The following UNC5D variants were observed in gnomAD, a reference collection of about 807,000 sequenced individuals.
The protein encoded by UNC5D is unc-5 netrin receptor D.
Under a neutral mutation model 105.4 loss-of-function variants are expected in UNC5D, and 39 were observed. The ratio of observed to expected loss-of-function variants is 0.37; its 90% CI spans 0.29 to 0.48. The LOEUF (loss-of-function observed/expected upper bound fraction) is 0.48, where lower values mean the gene tolerates loss of function less well. Ranked by LOEUF, UNC5D falls within the 20% of genes least tolerant of loss-of-function variation. The pLI is 0.98. For synonymous variants in UNC5D, 452 were observed against 450.4 expected (o/e 1.00, Z -0.04); for missense variants, 991 against 1,202.4 (o/e 0.82, Z 2.60).
chr8:35,459,105 A>G (rs1808700278), intron 1 of UNC5D, among the ~76,000 whole-genome samples: 1 of 152,086 alleles, frequency 6.6e-6, no homozygotes, highest in Admixed American at 6.6e-5. Flanking sequence ...TCATTGATTG[A>G]TGTATTTTTC....
At chr8:35,763,909 T>A (rs1353984601) in intron 14 of UNC5D, among the ~76,000 whole-genome samples, 2 of 152,196 alleles carry the variant, frequency 1.3e-5, no homozygotes, top group African/African-American at 4.8e-5. Context: ...ACTCATGTAA[T>A]AAATGCAGAG....
chr8:35,649,734 C>A (rs1358298390), intron 4 of UNC5D, among the ~76,000 whole-genome samples: 2 of 152,130 alleles, frequency 1.3e-5, no homozygotes, highest in African/African-American at 4.8e-5. Context: ...TAAACTTAGT[C>A]TAGTCATGGA....
intron 1 of UNC5D, among the ~76,000 whole-genome samples, chr8:35,343,503 G>A (rs1014058329): frequency 6.6e-6 from 1 of 151,838 alleles, no homozygotes; most frequent in Non-Finnish European, 1.5e-5. Context: ...CTTTTTTATT[G>A]AGGTTTTAGT....
At chr8:35,470,700 T>C (rs1809648437) in intron 1 of UNC5D, among the ~76,000 whole-genome samples, 1 of 150,498 alleles carries the variant, frequency 6.6e-6, no homozygotes, top group Non-Finnish European at 1.5e-5. Flanking sequence ...GCCCAGGAGA[T>C]TGAGGCTGCA....
intron 1 of UNC5D, among the ~76,000 whole-genome samples, chr8:35,413,292 T>TGTTGTGTG (rs56157732): frequency 1.9e-4 from 24 of 128,046 alleles, no homozygotes; most frequent in Middle Eastern, 4.2e-3. Flanking sequence ...TGTGTGTGTG[T>TGTTGTGTG]TGTGTGTGTG....
rs144081400 is a variant in UNC5D, at chr8:35,722,390, G to C, written c.1298G>C (p.Arg433Pro). 1 of 1,613,404 alleles carries C rather than the reference G, an allele frequency of 6.2e-7. No individual in the cohort carries two copies. Among genetic ancestry groups the C allele is most frequent in the East Asian group, 2.2e-5 (1 of 44,872 alleles). ...CAGACCTTCAACTTCAAAACAGTCC[G>C]TCAAGGTCAGCGGCATAGGTCCCTC... is the stretch of plus-strand genomic sequence containing the variant. Reference protein sequence around the residue: ...GFQTFNFKTVRQGNSLLLNSA... With the variant: ...GFQTFNFKTVPQGNSLLLNSA... The change falls in exon 9 of 17, where the codon CGT becomes CCT. Residue 433 changes from arginine (R) to proline (P), a missense_variant. Arg to Pro is a moderately radical substitution (Grantham distance 103). Around this residue, in one of 3 missense-constraint regions of UNC5D, gnomAD observed 944 missense variants for 1,131.6 expected, o/e 0.83. Transcript: ENST00000404895.
intron 16 of UNC5D, among the ~76,000 whole-genome samples, chr8:35,785,414 C>T (rs991632628): frequency 5.9e-5 from 9 of 152,116 alleles, no homozygotes; most frequent in Admixed American, 1.3e-4. Flanking sequence ...GGTTGGAGTG[C>T]AGTGGCGTGA....
Position 35,796,197 on chromosome 8 carries a change from G to A in UNC5D, c.*5634G>A, listed in dbSNP as rs1197053135. The A allele has an allele frequency of 2.6e-5, 4 of 152,138 alleles. No individual in the cohort carries two copies. In the South Asian group the frequency reaches 6.2e-4, roughly 24 times the overall value. The allele number at this position is 152,138 out of a possible 1,614,324, so 9.4% of individuals were successfully genotyped here. ...GCAAGCCAGAGGAGAGAGGTTGAAT[G>A]AAGCATAGCCTTGGCTTCATACCAC... On this transcript the variant is annotated 3_prime_UTR_variant, in exon 17 of 17. Transcript: ENST00000404895.
intron 4 of UNC5D, among the ~76,000 whole-genome samples, chr8:35,655,269 G>A (rs1369781940): frequency 1.3e-5 from 2 of 152,136 alleles, no homozygotes; most frequent in East Asian, 1.9e-4. Context: ...ATGGGTATTA[G>A]TCAAAAATAT....
intron 1 of UNC5D, among the ~76,000 whole-genome samples, chr8:35,381,843 G>A (rs1394670461): frequency 2.0e-5 from 3 of 152,100 alleles, no homozygotes; most frequent in Non-Finnish European, 2.9e-5. Context: ...TAGCAGAGCC[G>A]GTGCCTCCTC....
chr8:35,619,114 CA>C (rs1467894595), intron 4 of UNC5D, among the ~76,000 whole-genome samples: 1 of 152,050 alleles, frequency 6.6e-6, no homozygotes, highest in African/African-American at 2.4e-5. Flanking sequence ...CTCAAGCATC[CA>C]ACAAATGAAA....
intron 4 of UNC5D, among the ~76,000 whole-genome samples, chr8:35,599,796 A>G (rs1819726784): frequency 2.6e-5 from 4 of 151,956 alleles, no homozygotes; most frequent in Admixed American, 2.6e-4. Flanking sequence ...ATAAAAATAT[A>G]TTTTCTTTTT....
chr8:35,445,396 C>A (rs1807710421), intron 1 of UNC5D, among the ~76,000 whole-genome samples: 1 of 152,038 alleles, frequency 6.6e-6, no homozygotes, highest in South Asian at 2.1e-4. Context: ...ATGAACAATG[C>A]TAGATTTTCA....
rs1382069989 is a variant in UNC5D at position 35,529,339 on chromosome 8, G to C, written c.104-19953G>C. On this transcript the variant is annotated intron_variant, in intron 1 of 16. Coordinates refer to ENST00000404895, the MANE Select transcript of UNC5D (RefSeq NM_080872.4). ...CCCATTGCTTGTTTTTCTCAGGTTT[G>C]TCAAAGATCAGATAGTTGTAGATAT... Among the ~76,000 whole-genome samples the C allele has an allele frequency of 8.7e-5, 11 of 126,950 alleles. No individual in the cohort carries two copies. In the Admixed American group the frequency reaches 8.9e-4, roughly 10 times the overall value. 83.3% of individuals were successfully genotyped at this position (126,950 alleles called of 152,430 possible). A position where few individuals can be genotyped will look rare whatever the true frequency, so the allele number is the denominator to read the frequency against.
At chr8:35,638,780 A>G (rs1299815950) in intron 4 of UNC5D, among the ~76,000 whole-genome samples, 2 of 152,152 alleles carry the variant, frequency 1.3e-5, no homozygotes, top group East Asian at 3.9e-4. Context: ...AGCCTGGGTG[A>G]TAAAGCAATA....
At position 35,766,804 on chromosome 8, in the gene UNC5D, C is replaced by T. The variant is rs1348888626; in HGVS notation, c.2314-98C>T. 12 of 1,348,040 alleles carry T rather than the reference C, an allele frequency of 8.9e-6. No individual in the cohort carries two copies. The East Asian group carries it at 9.7e-5, about 11-fold the overall frequency. 83.5% of individuals were successfully genotyped at this position (1,348,040 alleles called of 1,614,324 possible). The stretch of plus-strand genomic sequence containing the variant: ...TGATTGTCCTCATCGTTGTTGTTGT[C>T]GTCATCATCATCATCATCATCACTA... On this transcript the variant is annotated intron_variant, in intron 14 of 16. Coordinates refer to ENST00000404895, the MANE Select transcript of UNC5D (RefSeq NM_080872.4).
At chr8:35,638,479 C>A (rs941897117) in intron 4 of UNC5D, among the ~76,000 whole-genome samples, 12 of 151,830 alleles carry the variant, frequency 7.9e-5, no homozygotes, top group Non-Finnish European at 1.6e-4. Context: ...TGTTTGCCCT[C>A]TAACAAGATA....
intron 1 of UNC5D, among the ~76,000 whole-genome samples, chr8:35,327,461 C>T (rs967507096): frequency 4.6e-5 from 7 of 152,144 alleles, no homozygotes; most frequent in African/African-American, 1.4e-4. Context: ...TCTCAACTTA[C>T]GGAAAATATC....
chr8:35,676,819 G>A (rs2131304717), intron 4 of UNC5D, among the ~76,000 whole-genome samples: 1 of 152,030 alleles, frequency 6.6e-6, no homozygotes, highest in South Asian at 2.1e-4. Context: ...TCCTCTTTGT[G>A]ATAACATTCA....
Sources: gnomAD v4.1 joint callset for allele counts (sites outside exome capture counted in the v4.1 genomes callset) on GRCh38, gnomAD v4.1.1 for gene constraint, gnomAD v4.1.1 regional missense constraint, MANE v1.5 for transcripts, NCBI Gene and HGNC (gene_info 2026-07-23, HGNC 2026-07-21) for gene names.